Variants in FNDC3B observed in about 807,000 individuals in gnomAD.
FNDC3B encodes the protein fibronectin type III domain-containing protein 3B.
A neutral mutation model predicts 151.5 loss-of-function variants in FNDC3B; 12 were observed. The ratio of observed to expected loss-of-function variants is 0.08; its 90% CI spans 0.05 to 0.13. The LOEUF is 0.13. FNDC3B is among the 10% of genes least tolerant of loss of function. The pLI is 1.00. For synonymous variants in FNDC3B, 528 were observed against 549.0 expected (o/e 0.96, Z 0.54); for missense variants, 1,214 against 1,505.3 (o/e 0.81, Z 3.20).
intron 6 of FNDC3B, among the ~76,000 whole-genome samples, chr3:172,276,888 A>G (rs1031021815): frequency 6.6e-6 from 1 of 152,254 alleles, no homozygotes; most frequent in African/African-American, 2.4e-5. Context: ...CCTGACAACT[A>G]ATGCATACTT....
At chr3:172,358,270 T>C (rs1452802414) in intron 22 of FNDC3B, among the ~76,000 whole-genome samples, 1 of 152,242 alleles carries the variant, frequency 6.6e-6, no homozygotes, top group Non-Finnish European at 1.5e-5. Flanking sequence ...CCCCTAGTAG[T>C]CACTCTGTCA....
At chr3:172,329,256 A>G (rs374560009) in intron 12 of FNDC3B, 180 bp downstream of exon 12, 12 of 672,548 alleles carry the variant, frequency 1.8e-5, no homozygotes, top group Admixed American at 6.0e-5. Context: ...GAATGTCACT[A>G]TGGCCTCTGC....
intron 1 of FNDC3B, among the ~76,000 whole-genome samples, chr3:172,110,956 G>A (rs1017103494): frequency 5.3e-5 from 8 of 151,912 alleles, no homozygotes; most frequent in Non-Finnish European, 7.4e-5. Context: ...AAAATTAGGC[G>A]GGCATAGTGG....
At chr3:172,135,255 ATG>A (rs144768382) in intron 3 of FNDC3B, among the ~76,000 whole-genome samples, 110 of 150,274 alleles carry the variant, frequency 7.3e-4, no homozygotes, top group African/African-American at 1.1e-3. Context: ...GAGTGTGTGT[ATG>A]TGTGTGTGTG....
intron 11 of FNDC3B, among the ~76,000 whole-genome samples, chr3:172,316,754 T>C (rs77711300): frequency 0.013 from 1,930 of 152,354 alleles, 49 homozygotes; most frequent in African/African-American, 0.044. Flanking sequence ...ATTGATGATA[T>C]ATATCAATGA....
intron 3 of FNDC3B, among the ~76,000 whole-genome samples, chr3:172,170,237 T>A (rs1407505362): frequency 6.6e-6 from 1 of 152,248 alleles, no homozygotes; most frequent in Non-Finnish European, 1.5e-5. Flanking sequence ...TGGCAGTATC[T>A]CCTCTGTTAC....
chr3:172,044,283 C>CTTT (rs767357950), intron 1 of FNDC3B, among the ~76,000 whole-genome samples: 56 of 110,400 alleles, frequency 5.1e-4, no homozygotes, highest in African/African-American at 2.0e-3. Flanking sequence ...AATTCCAACT[C>CTTT]TTTTTTTTTT....
chr3:172,095,233 A>G (rs1031359704), intron 1 of FNDC3B, among the ~76,000 whole-genome samples: 1 of 152,224 alleles, frequency 6.6e-6, no homozygotes, highest in Non-Finnish European at 1.5e-5. Flanking sequence ...ATAAAAAAAT[A>G]CCAAGTTTTG....
At chr3:172,122,130 A>G (rs1720582756) in intron 2 of FNDC3B, among the ~76,000 whole-genome samples, 1 of 152,234 alleles carries the variant, frequency 6.6e-6, no homozygotes, top group Non-Finnish European at 1.5e-5. Flanking sequence ...TCATGTAGGC[A>G]GACTCTTTTC....
chr3:172,140,288 G>A (rs6765198), intron 3 of FNDC3B, among the ~76,000 whole-genome samples: 78,908 of 152,036 alleles, frequency 0.52, 20,745 homozygotes, highest in African/African-American at 0.62. Context: ...GTGTGTGTCT[G>A]TACTACAAAT....
At chr3:172,084,899 G>A (rs1459806597) in intron 1 of FNDC3B, among the ~76,000 whole-genome samples, 1 of 151,958 alleles carries the variant, frequency 6.6e-6, no homozygotes, top group African/African-American at 2.4e-5. Flanking sequence ...TTCCCCTTAC[G>A]AGAATGTAAA....
At chr3:172,371,541 C>T (rs1242935211) in intron 23 of FNDC3B, among the ~76,000 whole-genome samples, 1 of 152,218 alleles carries the variant, frequency 6.6e-6, no homozygotes, top group Admixed American at 6.5e-5. Flanking sequence ...GCAGAGCCAT[C>T]AAGAATTCAT....
intron 1 of FNDC3B, among the ~76,000 whole-genome samples, chr3:172,090,403 A>C (rs977032811): frequency 3.3e-5 from 5 of 149,752 alleles, no homozygotes; most frequent in Non-Finnish European, 5.9e-5. Flanking sequence ...TGTGAGAGGA[A>C]ACCTAGGGCT....
intron 1 of FNDC3B, among the ~76,000 whole-genome samples, chr3:172,068,086 T>C (rs1327963211): frequency 6.6e-6 from 1 of 152,216 alleles, no homozygotes; most frequent in Non-Finnish European, 1.5e-5. Flanking sequence ...TCCTGGTGGA[T>C]CCCATTCTGT....
intron 15 of FNDC3B, among the ~76,000 whole-genome samples, 162 bp from the exon 16 acceptor site, chr3:172,337,168 T>C (rs941644309): frequency 8.6e-6 from 1 of 115,662 alleles, no homozygotes; most frequent in African/African-American, 3.4e-5. Context: ...TGTTTTTTTC[T>C]TTTTTTTCAA....
At chr3:172,123,751 A>C (rs1413072490) in intron 2 of FNDC3B, among the ~76,000 whole-genome samples, 1 of 152,234 alleles carries the variant, frequency 6.6e-6, no homozygotes, top group African/African-American at 2.4e-5. Context: ...TAGAATGGCT[A>C]TTTCTTTATA....
chr3:172,160,163 C>T (rs1448736708), intron 3 of FNDC3B, among the ~76,000 whole-genome samples: 3 of 152,226 alleles, frequency 2.0e-5, no homozygotes, highest in Non-Finnish European at 4.4e-5. Flanking sequence ...TACTATTACA[C>T]AGTACTACAC....
intron 3 of FNDC3B, among the ~76,000 whole-genome samples, chr3:172,165,376 A>T (rs1323020403): frequency 6.6e-6 from 1 of 152,180 alleles, no homozygotes; most frequent in African/African-American, 2.4e-5. Flanking sequence ...ATGTCAATTA[A>T]TTTTTTTGTT....
chr3:172,387,119 G>C (rs1045116447), intron 25 of FNDC3B, among the ~76,000 whole-genome samples: 1 of 151,550 alleles, frequency 6.6e-6, no homozygotes, highest in Non-Finnish European at 1.5e-5. Context: ...ACCATGCCAG[G>C]CTAATTTTTG....
Sources: allele counts gnomAD v4.1 joint callset (sites outside exome capture counted in the v4.1 genomes callset), GRCh38; gene constraint gnomAD v4.1.1; transcripts MANE v1.5; gene names NCBI Gene and HGNC (gene_info 2026-07-23, HGNC 2026-07-21).